Variants in KIAA1328 observed in about 807,000 individuals in gnomAD.
KIAA1328 encodes KIAA1328.
In KIAA1328, 52 loss-of-function variants were observed where a neutral mutation model predicts 68.1. That is an observed-to-expected ratio of 0.76 (90% CI 0.61 to 0.96). The LOEUF is 0.96. KIAA1328 is among the 40% of genes least tolerant of loss of function. The probability of loss-of-function intolerance (pLI) is 0.00; values close to 1 mark genes in which losing one functional copy is unlikely to be tolerated. For missense variants in KIAA1328, 641 were observed against 677.6 expected, an observed-to-expected ratio of 0.95 and a Z score of 0.60; for synonymous variants, 232 against 239.4, an observed-to-expected ratio of 0.97 and a Z score of 0.28.
chr18:36,848,154 G>A (rs2047089048), intron 4 of KIAA1328, among the ~76,000 whole-genome samples: 1 of 151,626 alleles, frequency 6.6e-6, no homozygotes. Flanking sequence ...TGGACATACA[G>A]ATCAATTTGA....
At position 37,062,042 on chromosome 18, in the gene KIAA1328, A is replaced by G. The variant is rs182890269; in HGVS notation, c.577-4848A>G. Among the ~76,000 whole-genome samples the G allele has an allele frequency of 2.0e-5, 3 of 152,292 alleles. No individual in the cohort carries two copies. In the East Asian group the frequency reaches 5.8e-4, roughly 29 times the overall value. On this transcript the variant is annotated intron_variant, in intron 6 of 9. Coordinates refer to ENST00000280020, the MANE Select transcript of KIAA1328 (RefSeq NM_020776.3). Reference sequence around the variant, plus strand: ...GTTAGATATGGTCCACGCGCTTTATATGTATTACTTCATTTAATCCTTACA... The same window carrying G: ...GTTAGATATGGTCCACGCGCTTTATGTGTATTACTTCATTTAATCCTTACA...
intron 9 of KIAA1328, among the ~76,000 whole-genome samples, chr18:37,195,715 A>G (rs1256649255): frequency 6.6e-6 from 1 of 152,134 alleles, no homozygotes. Flanking sequence ...AGTACGATTC[A>G]AAGTTAGATA....
intron 9 of KIAA1328, 48 bp downstream of exon 9, chr18:37,173,129 A>AT (rs763121025): frequency 3.7e-6 from 5 of 1,361,964 alleles, no homozygotes; most frequent in Non-Finnish European, 3.1e-6. Context: ...CTATGAGAGC[A>AT]TTTTTTTGAA....
chr18:37,110,583 T>C (rs1393635457), intron 7 of KIAA1328, among the ~76,000 whole-genome samples: 1 of 152,230 alleles, frequency 6.6e-6, no homozygotes, highest in Non-Finnish European at 1.5e-5. Context: ...AAATAGTTTC[T>C]TTACATTGAT....
At chr18:36,895,651 G>C (rs2048844146) in intron 5 of KIAA1328, 3 of 421,904 alleles carry the variant, frequency 7.1e-6, no homozygotes, top group Non-Finnish European at 1.4e-5. Flanking sequence ...AGGTTCGTTT[G>C]CTTATGTATT....
intron 9 of KIAA1328, 85 bp from the exon 10 acceptor site, chr18:37,221,932 C>T: frequency 7.5e-7 from 1 of 1,336,618 alleles, no homozygotes; most frequent in Non-Finnish European, 1.0e-6. Flanking sequence ...AATTCTTGCC[C>T]TGGACAGCCC....
intron 7 of KIAA1328, among the ~76,000 whole-genome samples, chr18:37,130,283 C>T (rs1449472716): frequency 6.6e-6 from 1 of 152,106 alleles, no homozygotes; most frequent in Non-Finnish European, 1.5e-5. Context: ...TAATCATATA[C>T]ATATATTACT....
Position 37,004,948 on chromosome 18 carries a change from G to A in KIAA1328, c.576+45513G>A, listed in dbSNP as rs189312791. Among the ~76,000 whole-genome samples the A allele has an allele frequency of 2.3e-4, 35 of 152,242 alleles. No individual in the cohort carries two copies. The East Asian group carries it at 6.5e-3, about 28-fold the overall frequency. On this transcript the variant is annotated intron_variant, in intron 6 of 9. Coordinates refer to ENST00000280020, the MANE Select transcript of KIAA1328 (RefSeq NM_020776.3). ...AAGGAACAAATTAATGACATTTGCA[G>A]CCACCTGGATGGAACTGGAGACTAT...
chr18:36,951,146 C>T (rs2051145365), intron 5 of KIAA1328, among the ~76,000 whole-genome samples: 1 of 152,184 alleles, frequency 6.6e-6, no homozygotes, highest in Admixed American at 6.5e-5. Flanking sequence ...ATTCCTTTCT[C>T]TAAGAGGCTT....
At chr18:36,974,884 G>A (rs1361587411) in intron 6 of KIAA1328, among the ~76,000 whole-genome samples, 2 of 152,328 alleles carry the variant, frequency 1.3e-5, no homozygotes, top group South Asian at 2.1e-4. Context: ...GTGATAAGAA[G>A]TATAATCTAG....
At chr18:36,889,418 A>G (rs2150994474) in intron 5 of KIAA1328, among the ~76,000 whole-genome samples, 1 of 152,348 alleles carries the variant, frequency 6.6e-6, no homozygotes, top group African/African-American at 2.4e-5. Context: ...TCTAGAACAT[A>G]TGACTCAGAT....
At chr18:36,839,784 T>G (rs1195472841) in intron 3 of KIAA1328, among the ~76,000 whole-genome samples, 2 of 152,186 alleles carry the variant, frequency 1.3e-5, no homozygotes, top group Admixed American at 1.3e-4. Context: ...TAGGCCATAC[T>G]CTTTTGAATA....
intron 5 of KIAA1328, among the ~76,000 whole-genome samples, chr18:36,893,459 G>T (rs1171826811): frequency 4.5e-5 from 6 of 133,026 alleles, no homozygotes; most frequent in African/African-American, 1.1e-4. Flanking sequence ...GTGTGTGTGT[G>T]TGTTTTTGTG....
At chr18:37,214,873 T>C (rs1426397069) in intron 9 of KIAA1328, among the ~76,000 whole-genome samples, 1 of 152,184 alleles carries the variant, frequency 6.6e-6, no homozygotes, top group Non-Finnish European at 1.5e-5. Flanking sequence ...TCACATCCCT[T>C]GTAAGTTGTA....
chr18:36,835,737 T>A (rs1451504902), intron 3 of KIAA1328, among the ~76,000 whole-genome samples: 2 of 152,226 alleles, frequency 1.3e-5, no homozygotes, highest in Non-Finnish European at 2.9e-5. Flanking sequence ...ATTTGATAGA[T>A]GAACCCTCGT....
chr18:37,133,952 A>C (rs1289881213), intron 7 of KIAA1328, among the ~76,000 whole-genome samples: 1 of 151,830 alleles, frequency 6.6e-6, no homozygotes, highest in African/African-American at 2.4e-5. Context: ...ACTTCTATGA[A>C]CTCATCATTT....
At chr18:36,879,857 A>C (rs568694143) in intron 4 of KIAA1328, among the ~76,000 whole-genome samples, 34 of 152,140 alleles carry the variant, frequency 2.2e-4, no homozygotes, top group Non-Finnish European at 1.6e-4. Context: ...CTCAAGCCTC[A>C]GTAATGGTGG....
At chr18:37,229,160 G>A (rs551248328), downstream of KIAA1328, among the ~76,000 whole-genome samples, 5 of 152,282 alleles carry the variant, frequency 3.3e-5, no homozygotes, top group Admixed American at 1.3e-4. Context: ...AACCCAGACC[G>A]TGTGGGAGGA....
intron 9 of KIAA1328, among the ~76,000 whole-genome samples, chr18:37,218,632 G>A (rs542404503): frequency 1.3e-5 from 2 of 152,190 alleles, no homozygotes; most frequent in African/African-American, 2.4e-5. Flanking sequence ...CATGCGTCAC[G>A]TAGTTCTCCT....
Sources: gnomAD v4.1 joint callset for allele counts (sites outside exome capture counted in the v4.1 genomes callset) on GRCh38, gnomAD v4.1.1 for gene constraint, MANE v1.5 for transcripts, NCBI Gene and HGNC (gene_info 2026-07-23, HGNC 2026-07-21) for gene names.